AGXT2: variants seen among roughly 807,000 people sequenced by gnomAD.
The protein encoded by AGXT2 is alanine--glyoxylate aminotransferase 2.
In AGXT2, 61 loss-of-function variants were observed where a neutral mutation model predicts 62.5. The ratio of observed to expected loss-of-function variants is 0.98; its 90% confidence interval spans 0.79 to 1.21. The LOEUF (loss-of-function observed/expected upper bound fraction) is 1.21, where lower values mean the gene tolerates loss of function less well. Ranked by LOEUF, AGXT2 falls within the 50% of genes most tolerant of loss-of-function variation. The pLI is 0.00. For missense variants in AGXT2, 666 were observed against 641.5 expected (o/e 1.04, Z -0.41); for synonymous variants, 243 against 218.7 (o/e 1.11, Z -0.98).
chr5:35,019,929 A>T (rs183938843), intron 9 of AGXT2, among the ~76,000 whole-genome samples: 2 of 152,222 alleles, frequency 1.3e-5, no homozygotes, highest in Non-Finnish European at 2.9e-5. Context: ...CTACCATCAG[A>T]GAATACTACA....
chr5:35,014,171 C>T lies in AGXT2; in HGVS notation c.964-52G>A, dbSNP rs753853264. 129 of 1,611,202 alleles carry T rather than the reference C, an allele frequency of 8.0e-5. 1 individual carries two copies. Among genetic ancestry groups the T allele is most frequent in the Admixed American group, 3.8e-4 (23 of 59,882 alleles). ...GAAACCCTTCAAGAAATGCTGTTTT[C>T]GACAGGGCGCGGTGGCTCACACCTG... is the stretch of plus-strand genomic sequence containing the variant. On this transcript the variant is annotated intron_variant, in intron 9 of 13. Coordinates refer to ENST00000231420, the MANE Select transcript of AGXT2 (RefSeq NM_031900.4).
At chr5:35,002,217 A>G (rs563669035) in intron 13 of AGXT2, among the ~76,000 whole-genome samples, 1 of 87,572 alleles carries the variant, frequency 1.1e-5, no homozygotes, top group Admixed American at 1.1e-4. Flanking sequence ...TAGAAAAAAA[A>G]TCACAGAGCA....
At chr5:35,044,537 G>A (rs558278188) in intron 1 of AGXT2, among the ~76,000 whole-genome samples, 1 of 152,356 alleles carries the variant, frequency 6.6e-6, no homozygotes, top group East Asian at 1.9e-4. Flanking sequence ...GCTGCTAAGA[G>A]GCGGTTCCTA....
intron 9 of AGXT2, among the ~76,000 whole-genome samples, chr5:35,022,880 T>C (rs1228739154): frequency 1.3e-5 from 2 of 151,838 alleles, no homozygotes; most frequent in African/African-American, 2.4e-5. Flanking sequence ...TTCTTCTACA[T>C]TTTTCTATGA....
chr5:35,046,225 T>G (rs78719654), intron 1 of AGXT2, among the ~76,000 whole-genome samples: 3,215 of 152,050 alleles, frequency 0.021, 84 homozygotes, highest in Non-Finnish European at 0.027. Flanking sequence ...TGTTCAGAGG[T>G]TGGGGTAGGG....
rs536074250 is a variant in AGXT2 at position 34,998,663 on chromosome 5, C to T, written c.*56G>A. ...GGTTCTGAAATTCTTCAAATTCACC[C>T]TTGAACATACGTGGCAAATTCTTGA... On this transcript the variant is annotated 3_prime_UTR_variant, in exon 14 of 14. Transcript: ENST00000231420. 13 of 1,425,448 alleles carry T rather than the reference C, an allele frequency of 9.1e-6. No individual in the cohort carries two copies. The highest frequency in any genetic ancestry group is 1.7e-4 in the Middle Eastern group (1 of 5,738). The allele number at this position is 1,425,448 out of a possible 1,614,324, so 88.3% of individuals were successfully genotyped here.
intron 4 of AGXT2, among the ~76,000 whole-genome samples, chr5:35,035,724 ACT>A (rs1035060360): frequency 1.3e-5 from 2 of 152,106 alleles, no homozygotes; most frequent in African/African-American, 4.8e-5. Context: ...AGGACCTCTG[ACT>A]CTGCAACTCC....
chr5:35,026,500 T>G lies in AGXT2; in HGVS notation c.780A>C (p.Gln260His). The change falls in exon 8 of 14, where the codon CAA becomes CAC. Residue 260 changes from glutamine to histidine, a missense_variant. Physicochemically the swap from Gln to His is conservative, Grantham distance 24. Coordinates refer to ENST00000231420, the MANE Select transcript of AGXT2 (RefSeq NM_031900.4). ...RKCSCAPDCC[Q>H]AKDQYIEQFK... ...ATTGCTCAATATACTGATCTTTAGC[T>G]TGGCAGCAGTCTGCAAAAAGCAAAC... 1 of 1,613,962 alleles carries G rather than the reference T, an allele frequency of 6.2e-7. No homozygotes were observed. Among genetic ancestry groups the G allele is most frequent in the Non-Finnish European group, 8.5e-7 (1 of 1,179,884 alleles).
chr5:35,040,675 G>T lies in AGXT2; in HGVS notation c.89-12C>A, dbSNP rs1345352546. On this transcript the variant is annotated splice_polypyrimidine_tract_variant and intron_variant, in intron 1 of 13. Transcript: ENST00000231420. ...CCGGGAAGTACCTACTGAAAGTGAAGTGAGTTAGAATCCTCAACTAAGCAT... is the reference window on the plus strand; with the variant it reads ...CCGGGAAGTACCTACTGAAAGTGAATTGAGTTAGAATCCTCAACTAAGCAT... 2.5e-6 allele frequency: 4 copies of T among 1,606,410 alleles called. No homozygotes were observed. Among genetic ancestry groups the T allele is most frequent in the Non-Finnish European group, 3.4e-6 (4 of 1,173,126 alleles).
chr5:35,039,475 TG>T lies in AGXT2; in HGVS notation c.210del (p.His70GlnfsTer9). 6.2e-7 allele frequency: 1 copy of T among 1,614,006 alleles called. No homozygotes were observed. The highest frequency in any genetic ancestry group is 8.5e-7 in the Non-Finnish European group (1 of 1,179,936). ...SLGYNRVLEI[H>X]KEHLSPVVTA... is the part of the protein sequence containing the mutation. ...GTCACCACAGGAGAAAGATGTTCCT[TG>T]TGGATTTCCAGGACACGGTTGTAGC... On this transcript the variant is annotated frameshift_variant, in exon 3 of 14. Coordinates refer to ENST00000231420, the MANE Select transcript of AGXT2 (RefSeq NM_031900.4). LOFTEE classifies it high-confidence loss of function.
chr5:35,037,066 C>G lies in AGXT2; in HGVS notation c.363-1G>C. The G allele has an allele frequency of 6.2e-7, 1 of 1,614,006 alleles. No homozygotes were observed. Among genetic ancestry groups the G allele is most frequent in the South Asian group, 1.1e-5 (1 of 91,070 alleles). On this transcript the variant is annotated splice_acceptor_variant, in intron 3 of 13. Coordinates refer to ENST00000231420, the MANE Select transcript of AGXT2 (RefSeq NM_031900.4). LOFTEE classifies it high-confidence loss of function. ...CTTTTGTGCCACTGCATTCACCTTTCTGGATAAGCAGTACAGCAGAGTTAC... is the reference window on the plus strand; with the variant it reads ...CTTTTGTGCCACTGCATTCACCTTTGTGGATAAGCAGTACAGCAGAGTTAC...
chr5:35,014,401 C>T (rs907259732), intron 9 of AGXT2, among the ~76,000 whole-genome samples: 6 of 132,936 alleles, frequency 4.5e-5, no homozygotes, highest in African/African-American at 2.9e-5. Flanking sequence ...TGCAGTGAGC[C>T]GAGATTGCAC....
chr5:35,040,670 G>A lies in AGXT2; in HGVS notation c.89-7C>T. The A allele has an allele frequency of 6.2e-7, 1 of 1,609,748 alleles. No homozygotes were observed. The highest frequency in any genetic ancestry group is 8.5e-7 in the Non-Finnish European group (1 of 1,175,990). ...GATGTCCGGGAAGTACCTACTGAAA[G>A]TGAAGTGAGTTAGAATCCTCAACTA... On this transcript the variant is annotated splice_region_variant and splice_polypyrimidine_tract_variant and intron_variant, in intron 1 of 13. Transcript: ENST00000231420.
In AGXT2 at chr5:35,039,526, T is replaced by G; in HGVS notation, c.178-18A>C. 1.2e-6 allele frequency: 2 copies of G among 1,611,468 alleles called. No homozygotes were observed. Among genetic ancestry groups the G allele is most frequent in the Non-Finnish European group, 1.7e-6 (2 of 1,177,734 alleles). On this transcript the variant is annotated intron_variant, in intron 2 of 13. Transcript: ENST00000231420. Reference sequence around the variant, plus strand: ...CCAAGGGACTGTAGATAAACAAGATTTAAACCCACACACTTCTTACAAGAT... The same window carrying G: ...CCAAGGGACTGTAGATAAACAAGATGTAAACCCACACACTTCTTACAAGAT...
At chr5:35,017,660 G>C (rs996025926) in intron 9 of AGXT2, among the ~76,000 whole-genome samples, 5 of 152,184 alleles carry the variant, frequency 3.3e-5, no homozygotes, top group African/African-American at 1.2e-4. Context: ...CTAAAAAGCA[G>C]AGCACCTCTC....
chr5:35,011,961 A>G (rs1766660234), intron 11 of AGXT2, among the ~76,000 whole-genome samples: 1 of 148,222 alleles, frequency 6.7e-6, no homozygotes, highest in Non-Finnish European at 1.5e-5. Flanking sequence ...CACACACGCC[A>G]TGGAATACCA....
At chr5:35,036,878 C>G in intron 4 of AGXT2, 64 bp downstream of exon 4, 3 of 1,607,356 alleles carry the variant, frequency 1.9e-6, no homozygotes, top group Non-Finnish European at 2.5e-6. Flanking sequence ...TCTCTTTGAG[C>G]TGGGAGCATC....
At chr5:35,014,672 C>T (rs1403268214) in intron 9 of AGXT2, among the ~76,000 whole-genome samples, 1 of 152,104 alleles carries the variant, frequency 6.6e-6, no homozygotes, top group Non-Finnish European at 1.5e-5. Flanking sequence ...GGAACCTCTG[C>T]TAACTCATCC....
At chr5:35,018,552 C>T (rs1766940747) in intron 9 of AGXT2, among the ~76,000 whole-genome samples, 1 of 151,870 alleles carries the variant, frequency 6.6e-6, no homozygotes. Context: ...CAGGCCTGCC[C>T]TAAAAGAGCT....
Sources: allele counts gnomAD v4.1 joint callset (sites outside exome capture counted in the v4.1 genomes callset), GRCh38; gene constraint gnomAD v4.1.1; transcripts MANE v1.5; gene names NCBI Gene and HGNC (gene_info 2026-07-23, HGNC 2026-07-21).